POLR2B: variants seen among roughly 807,000 people sequenced by gnomAD.
The protein encoded by POLR2B is DNA-directed RNA polymerase II subunit RPB2.
In POLR2B, 57 loss-of-function variants were observed where a neutral mutation model predicts 144.6. The ratio of observed to expected loss-of-function variants is 0.39; its 90% confidence interval spans 0.32 to 0.49. The LOEUF is 0.49. Ranked by LOEUF, POLR2B falls within the 20% of genes least tolerant of loss-of-function variation. POLR2B has a pLI of 0.83. For missense variants in POLR2B, 595 were observed against 1,467.4 expected (o/e 0.41, Z 9.71); for synonymous variants, 442 against 469.8 (o/e 0.94, Z 0.77).
In POLR2B at chr4:57,010,492, C is replaced by A. The variant is rs554711488; in HGVS notation, c.1536C>A (p.Ala512=). 6.2e-7 allele frequency: 1 copy of A among 1,613,486 alleles called. No homozygotes were observed. Among genetic ancestry groups the A allele is most frequent in the Non-Finnish European group, 8.5e-7 (1 of 1,179,852 alleles). The change falls in exon 11 of 25, where the codon GCC becomes GCA. Residue 512 remains alanine (A), a synonymous_variant. Transcript: ENST00000314595. ...CGTTGTGGGGAATGGTGTGTCCTGC[C>A]GAGACCCCAGAGGTAATACATTAGA... ...HNTLWGMVCP[A]ETPEGHAVGL... is the part of the protein sequence containing the mutation.
At chr4:56,990,925 G>T in intron 3 of POLR2B, 27 bp downstream of exon 3, 1 of 1,580,896 alleles carries the variant, frequency 6.3e-7, no homozygotes, top group Non-Finnish European at 8.6e-7. Context: ...AGTTACACAG[G>T]TACAAGAAGC....
chr4:56,997,321 C>T (rs1050749586), intron 6 of POLR2B, among the ~76,000 whole-genome samples: 13 of 150,654 alleles, frequency 8.6e-5, no homozygotes, highest in Admixed American at 1.3e-4. Context: ...CGTAGTGGCG[C>T]GATCTGGGCT....
At chr4:56,998,816 G>A (rs1015147597) in intron 6 of POLR2B, among the ~76,000 whole-genome samples, 1 of 152,206 alleles carries the variant, frequency 6.6e-6, no homozygotes, top group East Asian at 1.9e-4. Context: ...AAACATTTGG[G>A]TGTCATATAT....
intron 9 of POLR2B, among the ~76,000 whole-genome samples, chr4:57,006,111 T>A (rs1338522579): frequency 1.3e-5 from 2 of 152,384 alleles, no homozygotes; most frequent in East Asian, 3.9e-4. Flanking sequence ...GTGCAGTTTT[T>A]AATTTTATTC....
At chr4:56,982,089 T>C (rs1722171942) in intron 1 of POLR2B, among the ~76,000 whole-genome samples, 1 of 152,236 alleles carries the variant, frequency 6.6e-6, no homozygotes, top group Non-Finnish European at 1.5e-5. Flanking sequence ...AGTTACCATC[T>C]GTATGCGGAT....
intron 7 of POLR2B, among the ~76,000 whole-genome samples, chr4:57,004,700 T>C (rs1197022681): frequency 7.2e-5 from 11 of 152,184 alleles, no homozygotes; most frequent in Non-Finnish European, 2.9e-5. Flanking sequence ...TCTTTTTCCT[T>C]TTGAGACGGT....
intron 6 of POLR2B, among the ~76,000 whole-genome samples, chr4:56,998,439 C>T (rs1258237973): frequency 6.6e-6 from 1 of 152,200 alleles, no homozygotes; most frequent in Admixed American, 6.5e-5. Context: ...TCTGGTGATC[C>T]ACCCGCCTTG....
intron 2 of POLR2B, among the ~76,000 whole-genome samples, chr4:56,989,759 G>A (rs573714883): frequency 9.2e-5 from 14 of 152,240 alleles, no homozygotes; most frequent in Middle Eastern, 3.4e-3. Flanking sequence ...AATCTTGAGG[G>A]TTGTGCTACA....
Position 57,024,026 on chromosome 4 carries a change from G to A in POLR2B, c.2878G>A (p.Gly960Ser). Reference protein sequence around the residue: ...RQEDMPFTCEGITPDIIINPH... With the variant: ...RQEDMPFTCESITPDIIINPH... Reference sequence around the variant, plus strand: ...GTAGGATATGCCTTTCACCTGTGAAGGTATCACCCCTGATATCATCATCAA... The same window carrying A: ...GTAGGATATGCCTTTCACCTGTGAAAGTATCACCCCTGATATCATCATCAA... Residue 960 changes from glycine (G) to serine (S), a missense_variant, in exon 21 of 25, where the codon GGT (glycine) becomes AGT (serine). Gly to Ser is a moderately conservative substitution (Grantham distance 56, BLOSUM62 0). Around this residue, in one of 9 missense-constraint regions of POLR2B, gnomAD observed 65 missense variants for 282.8 expected, o/e 0.23. Coordinates refer to ENST00000314595, the MANE Select transcript of POLR2B (RefSeq NM_000938.3). 1 of 1,599,850 alleles carries A rather than the reference G, an allele frequency of 6.3e-7. No homozygotes were observed. The highest frequency in any genetic ancestry group is 8.5e-7 in the Non-Finnish European group (1 of 1,173,734).
intron 14 of POLR2B, among the ~76,000 whole-genome samples, chr4:57,016,638 AT>A: frequency 6.7e-6 from 1 of 150,248 alleles, no homozygotes; most frequent in Non-Finnish European, 1.5e-5. Context: ...ATAATAAGAA[AT>A]TTAGTAAAAA....
chr4:57,021,081 A>G (rs1433297250), intron 17 of POLR2B, 86 bp downstream of exon 17: 7 of 759,656 alleles, frequency 9.2e-6, no homozygotes, highest in Admixed American at 5.9e-5. Context: ...ATACAGTTTA[A>G]CTACGCCGCA....
chr4:57,021,886 T>A (rs982502042), intron 17 of POLR2B, among the ~76,000 whole-genome samples: 6 of 152,172 alleles, frequency 3.9e-5, no homozygotes, highest in Admixed American at 3.9e-4. Flanking sequence ...CTTAAATGTG[T>A]CGGAGGTTGG....
At chr4:57,027,828 T>G (rs1723773789) in intron 23 of POLR2B, among the ~76,000 whole-genome samples, 1 of 152,222 alleles carries the variant, frequency 6.6e-6, no homozygotes, top group South Asian at 2.1e-4. Flanking sequence ...TTACGTAGAT[T>G]TTCAAATGTT....
intron 2 of POLR2B, 140 bp from the exon 3 acceptor site, chr4:56,990,608 C>G: frequency 1.5e-6 from 1 of 678,088 alleles, no homozygotes; most frequent in Admixed American, 2.7e-5. Context: ...CTCATAGTGT[C>G]TTGTTTAGTG....
At chr4:56,999,476 G>T in intron 6 of POLR2B, 141 bp from the exon 7 acceptor site, 1 of 481,486 alleles carries the variant, frequency 2.1e-6, no homozygotes. Context: ...GCAGTCATAG[G>T]AGGTTCCTCA....
intron 7 of POLR2B, among the ~76,000 whole-genome samples, 159 bp from the exon 8 acceptor site, chr4:57,005,087 A>T (rs1297900476): frequency 1.3e-5 from 2 of 152,162 alleles, no homozygotes; most frequent in African/African-American, 4.8e-5. Context: ...TCTCTGAGGT[A>T]TCTTCTAAGA....
intron 2 of POLR2B, among the ~76,000 whole-genome samples, chr4:56,989,519 GGCC>G (rs1722446564): frequency 6.6e-6 from 1 of 152,326 alleles, no homozygotes; most frequent in Admixed American, 6.5e-5. Context: ...CCAATTTGTT[GGCC>G]TGTCACTGAT....
chr4:57,016,189 C>A (rs182060041), intron 14 of POLR2B, among the ~76,000 whole-genome samples: 148 of 152,298 alleles, frequency 9.7e-4, no homozygotes, highest in African/African-American at 2.6e-3. Flanking sequence ...TTAGGAGTCA[C>A]ATTTGTTTTT....
At chr4:56,996,278 A>ATTTTTTTT (rs869299001) in intron 6 of POLR2B, among the ~76,000 whole-genome samples, 3 of 59,742 alleles carry the variant, frequency 5.0e-5, no homozygotes, top group African/African-American at 1.1e-4. Context: ...ATATATATAT[A>ATTTTTTTT]TTTTTTTTTT....
Sources: gnomAD v4.1 joint callset for allele counts (sites outside exome capture counted in the v4.1 genomes callset) on GRCh38, gnomAD v4.1.1 for gene constraint, gnomAD v4.1.1 regional missense constraint, MANE v1.5 for transcripts, NCBI Gene and HGNC (gene_info 2026-07-23, HGNC 2026-07-21) for gene names.